CNKSR3: variants seen among roughly 807,000 people sequenced by gnomAD.
CNKSR3 encodes the protein CNKSR family member 3.
CNKSR3 carries 36 observed loss-of-function variants against 67.7 expected under a neutral mutation model. That is an observed-to-expected ratio of 0.53 (90% CI 0.41 to 0.70). The LOEUF is 0.70. Among genes scored for constraint, CNKSR3 ranks in the 30% least tolerant of loss-of-function variants. The pLI is 0.00. For synonymous variants in CNKSR3, 281 were observed against 271.4 expected, an observed-to-expected ratio of 1.04 and a Z score of -0.35; for missense variants, 630 against 695.2, an observed-to-expected ratio of 0.91 and a Z score of 1.05.
At chr6:154,464,931 G>A (rs370855609) in intron 1 of CNKSR3, among the ~76,000 whole-genome samples, 17 of 151,294 alleles carry the variant, frequency 1.1e-4, no homozygotes, top group Non-Finnish European at 2.1e-4. Context: ...CAAGAGGTCA[G>A]GAGTTCGAGA....
intron 1 of CNKSR3, among the ~76,000 whole-genome samples, chr6:154,467,293 C>G (rs4538720): frequency 6.6e-6 from 1 of 151,866 alleles, no homozygotes. Flanking sequence ...TCTGCTTGGG[C>G]GTCCTAAAAG....
intron 1 of CNKSR3, among the ~76,000 whole-genome samples, chr6:154,498,874 C>A (rs1416405220): frequency 6.6e-6 from 1 of 152,212 alleles, no homozygotes; most frequent in Non-Finnish European, 1.5e-5. Context: ...CATCTCCATG[C>A]TTTGTTCAAA....
rs747800145 is a variant in CNKSR3, at chr6:154,510,135, G to T, written c.-21C>A. On this transcript the variant is annotated 5_prime_UTR_variant, in exon 1 of 13. Transcript: ENST00000607772. ...TCCATGGTAAACCGCTTCGCCTCTC[G>T]CTGGGCTGGAGAGTCGCAGATAAAG... 1 of 1,613,916 alleles carries T rather than the reference G, an allele frequency of 6.2e-7. No homozygotes were observed. The highest frequency in any genetic ancestry group is 8.5e-7 in the Non-Finnish European group (1 of 1,179,876).
intron 1 of CNKSR3, among the ~76,000 whole-genome samples, chr6:154,497,661 ATC>A (rs1377065570): frequency 1.3e-5 from 2 of 152,266 alleles, no homozygotes; most frequent in Non-Finnish European, 2.9e-5. Context: ...TGGTATGTTT[ATC>A]TGTATATGTG....
chr6:154,410,810 G>GT, intron 11 of CNKSR3, 124 bp downstream of exon 11: 1 of 731,412 alleles, frequency 1.4e-6, no homozygotes, highest in Non-Finnish European at 2.3e-6. Flanking sequence ...TTTCATTGAG[G>GT]TTTATGTTTT....
chr6:154,430,087 T>C (rs1785333901), intron 6 of CNKSR3, among the ~76,000 whole-genome samples: 1 of 152,238 alleles, frequency 6.6e-6, no homozygotes, highest in Admixed American at 6.5e-5. Context: ...AAACCCTTCT[T>C]AAGAATCACT....
intron 5 of CNKSR3, among the ~76,000 whole-genome samples, chr6:154,431,246 C>G (rs554610352): frequency 6.6e-6 from 1 of 151,898 alleles, no homozygotes; most frequent in South Asian, 2.1e-4. Flanking sequence ...GAGTTCAAGA[C>G]CAGCCTGACC....
rs557836657 is a variant in CNKSR3, at chr6:154,492,874, C to T, written c.52+17189G>A. Among the ~76,000 whole-genome samples, 6 of 152,264 alleles carry T rather than the reference C, an allele frequency of 3.9e-5. No homozygotes were observed. In the East Asian group the frequency reaches 1.2e-3, roughly 29 times the overall value. ...GGACCAAACACTTCAAGGGTATCCT[C>T]TCACACTCAAATTCAATCTCTCAGT... On this transcript the variant is annotated intron_variant, in intron 1 of 12. Transcript: ENST00000607772.
intron 2 of CNKSR3, among the ~76,000 whole-genome samples, chr6:154,443,754 G>A (rs1455770884): frequency 1.3e-5 from 2 of 152,162 alleles, no homozygotes; most frequent in East Asian, 3.9e-4. Context: ...AGCTACTCAA[G>A]AGGCTGAGGT....
At chr6:154,455,978 T>TA (rs1388525481) in intron 1 of CNKSR3, among the ~76,000 whole-genome samples, 1 of 151,436 alleles carries the variant, frequency 6.6e-6, no homozygotes, top group Admixed American at 6.6e-5. Context: ...ACTAAGAAGT[T>TA]AGAGTAAATG....
chr6:154,427,964 G>A (rs1240398355), intron 7 of CNKSR3, among the ~76,000 whole-genome samples, 164 bp downstream of exon 7: 1 of 152,182 alleles, frequency 6.6e-6, no homozygotes, highest in Non-Finnish European at 1.5e-5. Flanking sequence ...ATTGACAACA[G>A]CTGGTGACAA....
intron 1 of CNKSR3, among the ~76,000 whole-genome samples, chr6:154,468,821 A>G (rs1284662182): frequency 6.6e-6 from 1 of 152,200 alleles, no homozygotes; most frequent in African/African-American, 2.4e-5. Flanking sequence ...CTCTCTGTGT[A>G]CAGAAGTTGC....
rs6557349 is a variant in CNKSR3, at chr6:154,395,734, C to T, written c.*10620G>A. On this transcript the variant is annotated 3_prime_UTR_variant, in exon 13 of 13. Coordinates refer to ENST00000607772, the MANE Select transcript of CNKSR3 (RefSeq NM_173515.4). ...CTATTTAGTCTACAGCCTATATATGCATGTACGTTTTGTTTGTTTGAGATG... is the reference window on the plus strand; with the variant it reads ...CTATTTAGTCTACAGCCTATATATGTATGTACGTTTTGTTTGTTTGAGATG... 94,430 of 152,090 alleles carry T rather than the reference C, an allele frequency of 0.62. 30,344 individuals carry two copies. The highest frequency in any genetic ancestry group is 0.88 in the East Asian group (4,582 of 5,180). The allele number at this position is 152,090 out of a possible 1,614,324, so 9.4% of individuals were successfully genotyped here.
Position 154,425,086 on chromosome 6 carries a change from T to C in CNKSR3, c.730-2103A>G, listed in dbSNP as rs903099062. Among the ~76,000 whole-genome samples the C allele has an allele frequency of 2.6e-5, 4 of 152,208 alleles. No individual in the cohort carries two copies. The East Asian group carries it at 7.7e-4, about 29-fold the overall frequency. ...CGCACCCGGCTCATCTCAGATTTCTTACATCACTTAAAAAATGAATTTATC... is the reference window on the plus strand; with the variant it reads ...CGCACCCGGCTCATCTCAGATTTCTCACATCACTTAAAAAATGAATTTATC... On this transcript the variant is annotated intron_variant, in intron 7 of 12. Transcript: ENST00000607772.
Position 154,400,422 on chromosome 6 carries a change from T to A in CNKSR3, c.*5932A>T, listed in dbSNP as rs1784704405. ...TAGAATATGCCTATGGATGGCCAAG[T>A]CACAACCAGAATTGAGTCCTTAATC... On this transcript the variant is annotated 3_prime_UTR_variant, in exon 13 of 13. Transcript: ENST00000607772. 6.6e-6 allele frequency: 1 copy of A among 152,176 alleles called. No individual in the cohort carries two copies. The highest frequency in any genetic ancestry group is 2.1e-4 in the South Asian group (1 of 4,830). The allele number at this position is 152,176 out of a possible 1,614,324, so 9.4% of individuals were successfully genotyped here. A position where few individuals can be genotyped will look rare whatever the true frequency, so the allele number is the denominator to read the frequency against.
chr6:154,486,446 G>A (rs370163660), intron 1 of CNKSR3, among the ~76,000 whole-genome samples: 56 of 150,488 alleles, frequency 3.7e-4, no homozygotes, highest in Middle Eastern at 3.4e-3. Context: ...ACAGGCACGG[G>A]CCACCACGCC....
At chr6:154,487,305 T>C (rs766109833) in intron 1 of CNKSR3, among the ~76,000 whole-genome samples, 1 of 152,254 alleles carries the variant, frequency 6.6e-6, no homozygotes, top group Non-Finnish European at 1.5e-5. Flanking sequence ...CTAGGCTTTA[T>C]TAAGCACTTA....
intron 1 of CNKSR3, among the ~76,000 whole-genome samples, chr6:154,494,317 T>C (rs2114652368): frequency 6.6e-6 from 1 of 152,148 alleles, no homozygotes; most frequent in Middle Eastern, 3.4e-3. Context: ...ATCATGAGAA[T>C]AGCATAGGGG....
intron 6 of CNKSR3, among the ~76,000 whole-genome samples, chr6:154,428,887 C>A (rs1033346172): frequency 6.6e-6 from 1 of 152,112 alleles, no homozygotes; most frequent in Non-Finnish European, 1.5e-5. Flanking sequence ...AATTTGGTAA[C>A]AGAAATAACC....
Sources: allele counts gnomAD v4.1 joint callset (sites outside exome capture counted in the v4.1 genomes callset), GRCh38; gene constraint gnomAD v4.1.1; transcripts MANE v1.5; gene names NCBI Gene and HGNC (gene_info 2026-07-23, HGNC 2026-07-21).